SSTR2: variants seen among roughly 807,000 people sequenced by gnomAD.
The protein encoded by SSTR2 is somatostatin receptor type 2.
Under a neutral mutation model 21.4 loss-of-function variants are expected in SSTR2, and 10 were observed. The observed-to-expected ratio is 0.47, with a 90% confidence interval of 0.29 to 0.79. SSTR2 has a LOEUF of 0.79. Among genes scored for constraint, SSTR2 ranks in the 30% least tolerant of loss-of-function variants. The pLI is 0.10. For missense variants in SSTR2, 364 were observed against 468.8 expected (o/e 0.78, Z 2.06); for synonymous variants, 177 against 181.3 (o/e 0.98, Z 0.19).
chr17:73,169,757 C>T lies in SSTR2; in HGVS notation c.438C>T (p.His146=). The part of the protein sequence containing the change: ...MSIDRYLAVV[H]PIKSAKWRRP... ...TCGACCGATACCTGGCTGTGGTCCA[C>T]CCCATCAAGTCGGCCAAGTGGAGGA... The change falls in exon 2 of 2, where the codon CAC becomes CAT. Residue 146 remains histidine (H), a synonymous_variant. Transcript: ENST00000357585. This position sits in a 1 kb window ranked among gnomAD's most constrained non-coding sequence, Gnocchi z 5.2. 1 of 1,614,216 alleles carries T rather than the reference C, an allele frequency of 6.2e-7. No individual in the cohort carries two copies. Among genetic ancestry groups the T allele is most frequent in the Non-Finnish European group, 8.5e-7 (1 of 1,180,048 alleles).
In SSTR2 at chr17:73,173,748, G is replaced by A. The variant is rs1326539551; in HGVS notation, c.*3319G>A. 1.3e-5 allele frequency: 2 copies of A among 152,204 alleles called. No individual in the cohort carries two copies. The highest frequency in any genetic ancestry group is 2.4e-5 in the African/African-American group (1 of 41,450). The allele number at this position is 152,204 out of a possible 1,614,324, so 9.4% of individuals were successfully genotyped here. A position where few individuals can be genotyped will look rare whatever the true frequency, so the allele number is the denominator to read the frequency against. On this transcript the variant is annotated 3_prime_UTR_variant, in exon 2 of 2. Transcript: ENST00000357585. ...GTGGACTCAGTGAAAAAGATATTGG[G>A]AAAAATAATATGATATTGTGGCCTA... is the stretch of plus-strand genomic sequence containing the variant.
rs1352337159 is a variant in SSTR2 at position 73,174,177 on chromosome 17, T to C, written c.*3748T>C. On this transcript the variant is annotated 3_prime_UTR_variant, in exon 2 of 2. Coordinates refer to ENST00000357585, the MANE Select transcript of SSTR2 (RefSeq NM_001050.3). The stretch of plus-strand genomic sequence containing the variant: ...GAAAAAGAAACTTAAGTGGGGTTCA[T>C]ACATAGCATGGCAGAGGGACACTGG... 6.7e-6 allele frequency: 1 copy of C among 149,596 alleles called. No individual in the cohort carries two copies. The highest frequency in any genetic ancestry group is 1.5e-5 in the Non-Finnish European group (1 of 67,570). 9.3% of individuals were successfully genotyped at this position (149,596 alleles called of 1,614,324 possible).
chr17:73,169,423 A>C lies in SSTR2; in HGVS notation c.104A>C (p.Glu35Ala), dbSNP rs1280715965. The change falls in exon 2 of 2, where the codon GAG becomes GCG. Residue 35 changes from glutamate to alanine, a missense_variant. Around this residue, in one of 4 missense-constraint regions of SSTR2, gnomAD observed 75 missense variants for 75.4 expected, o/e 0.99. Transcript: ENST00000357585. The surrounding 1 kb of genome is among the most constrained non-coding windows in gnomAD (Gnocchi z 5.2). ...TCAACCAACACCTCAAACCAGACAG[A>C]GCCGTACTATGACCTGACAAGCAAT... Reference protein sequence around the residue: ...VVSTNTSNQTEPYYDLTSNAV... With the variant: ...VVSTNTSNQTAPYYDLTSNAV... 3.7e-6 allele frequency: 6 copies of C among 1,614,144 alleles called. No individual in the cohort carries two copies. Among genetic ancestry groups the C allele is most frequent in the Non-Finnish European group, 5.1e-6 (6 of 1,180,052 alleles).
At chr17:73,168,402 G>C (rs975314733) in intron 1 of SSTR2, among the ~76,000 whole-genome samples, 5 of 152,184 alleles carry the variant, frequency 3.3e-5, no homozygotes, top group Non-Finnish European at 7.3e-5. Context: ...CTTTGGGAAA[G>C]AGCTCTTGAG....
Position 73,170,445 on chromosome 17 carries a change from G to A in SSTR2, c.*16G>A. On this transcript the variant is annotated 3_prime_UTR_variant, in exon 2 of 2. Transcript: ENST00000357585. ...CAGTATCTGAACTGCTTGGGGGGTG[G>A]GAAAGAACCAAGCCATGCTCTGTCT... The A allele has an allele frequency of 6.2e-7, 1 of 1,606,434 alleles. No individual in the cohort carries two copies. Among genetic ancestry groups the A allele is most frequent in the South Asian group, 1.1e-5 (1 of 90,632 alleles).
chr17:73,167,916 A>C (rs1461077714), intron 1 of SSTR2: 5 of 152,190 alleles, frequency 3.3e-5, no homozygotes, highest in African/African-American at 7.2e-5. Context: ...GGGATGAACT[A>C]TTGTTTTAGA....
chr17:73,165,859 C>A (rs2061214284), intron 1 of SSTR2, among the ~76,000 whole-genome samples: 2 of 151,476 alleles, frequency 1.3e-5, no homozygotes, highest in African/African-American at 2.4e-5. Flanking sequence ...AGAGAAAAAA[C>A]CACTGCATAG....
chr17:73,170,354 G>A lies in SSTR2; in HGVS notation c.1035G>A (p.Gln345=), dbSNP rs767020059. Residue 345 remains glutamine (Q), a synonymous_variant, in exon 2 of 2, where the codon CAG becomes CAA. Transcript: ENST00000357585. ...TDDGERSDSK[Q]DKSRLNETTE... ...ATGGGGAGCGGAGTGACAGTAAGCA[G>A]GACAAATCCCGGCTGAATGAGACCA... The A allele has an allele frequency of 3.7e-6, 6 of 1,613,998 alleles. No homozygotes were observed. Among genetic ancestry groups the A allele is most frequent in the Non-Finnish European group, 5.1e-6 (6 of 1,180,010 alleles).
At position 73,169,528 on chromosome 17, in the gene SSTR2, G is replaced by A. The variant is rs368435945; in HGVS notation, c.209G>A (p.Arg70His). The A allele has an allele frequency of 2.8e-5, 45 of 1,614,098 alleles. No individual in the cohort carries two copies. Among genetic ancestry groups the A allele is most frequent in the Non-Finnish European group, 3.5e-5 (41 of 1,180,050 alleles). Residue 70 changes from arginine to histidine, a missense_variant, in exon 2 of 2, where the codon CGC becomes CAC. Coordinates refer to ENST00000357585, the MANE Select transcript of SSTR2 (RefSeq NM_001050.3). The surrounding 1 kb of genome is among the most constrained non-coding windows in gnomAD (Gnocchi z 5.2). ...GNTLVIYVIL[R>H]YAKMKTITNI... The stretch of plus-strand genomic sequence containing the variant: ...ACACTTGTCATTTATGTCATCCTCC[G>A]CTATGCCAAGATGAAGACCATCACC...
rs572974723 is a variant in SSTR2 at position 73,167,325 on chromosome 17, A to G, written c.-92-1903A>G. Among the ~76,000 whole-genome samples, 7 of 152,346 alleles carry G rather than the reference A, an allele frequency of 4.6e-5. No individual in the cohort carries two copies. In the South Asian group the frequency reaches 1.4e-3, roughly 32 times the overall value. ...CTCACTTCACAGACAGTTGTGTGGT[A>G]GGGAAATGAGCACAGAAGGAACGAG... On this transcript the variant is annotated intron_variant, in intron 1 of 1. Coordinates refer to ENST00000357585, the MANE Select transcript of SSTR2 (RefSeq NM_001050.3).
In SSTR2 at chr17:73,176,611, A is replaced by C. The variant is rs2061249557; in HGVS notation, c.*6182A>C. On this transcript the variant is annotated 3_prime_UTR_variant, in exon 2 of 2. Transcript: ENST00000357585. ...AGCCATGTTAAACTTTGAGTTAATT[A>C]AACCTCTTTCCTTTATAAATTACCC... 1 of 152,228 alleles carries C rather than the reference A, an allele frequency of 6.6e-6. No individual in the cohort carries two copies. Among genetic ancestry groups the C allele is most frequent in the Admixed American group, 6.5e-5 (1 of 15,276 alleles). The allele number at this position is 152,228 out of a possible 1,614,324, so 9.4% of individuals were successfully genotyped here.
Position 73,169,328 on chromosome 17 carries a change from G to A in SSTR2, c.9G>A (p.Met3Ile). The change falls in exon 2 of 2, where the codon ATG becomes ATA. Residue 3 changes from methionine (M) to isoleucine (I), a missense_variant. Physicochemically the swap from Met to Ile is conservative, Grantham distance 10. This residue lies in a region of SSTR2 where 75 missense variants were observed against 75.4 expected (regional missense o/e 0.99). Coordinates refer to ENST00000357585, the MANE Select transcript of SSTR2 (RefSeq NM_001050.3). This position sits in a 1 kb window ranked among gnomAD's most constrained non-coding sequence, Gnocchi z 5.2. ...AAGACTGAAAAGCAGCCATGGACAT[G>A]GCGGATGAGCCACTCAATGGAAGCC... Reference protein sequence around the residue: MDMADEPLNGSHT... With the variant: MDIADEPLNGSHT... 1.2e-6 allele frequency: 2 copies of A among 1,611,964 alleles called. No homozygotes were observed. The highest frequency in any genetic ancestry group is 1.7e-6 in the Non-Finnish European group (2 of 1,179,224).
intron 1 of SSTR2, among the ~76,000 whole-genome samples, chr17:73,166,640 C>G (rs1246209497): frequency 6.6e-6 from 1 of 152,178 alleles, no homozygotes; most frequent in South Asian, 2.1e-4. Context: ...GTCTGCCTGG[C>G]ATTGGAATAT....
rs985887977 is a variant in SSTR2, at chr17:73,165,109, G to T, written c.-272G>T. 2.6e-4 allele frequency: 40 copies of T among 152,322 alleles called. No individual in the cohort carries two copies. The highest frequency in any genetic ancestry group is 9.4e-4 in the African/African-American group (39 of 41,556). 9.4% of individuals were successfully genotyped at this position (152,322 alleles called of 1,614,324 possible). A position where few individuals can be genotyped will look rare whatever the true frequency, so the allele number is the denominator to read the frequency against. ...GGCGCCGGGGGTCTGCGGGCGAGGG[G>T]AGCTCTCTACGTGCGAGGGGCTAGC... is the stretch of plus-strand genomic sequence containing the variant. On this transcript the variant is annotated 5_prime_UTR_variant, in exon 1 of 2. Coordinates refer to ENST00000357585, the MANE Select transcript of SSTR2 (RefSeq NM_001050.3).
chr17:73,165,429 T>C (rs909205513), intron 1 of SSTR2, 141 bp downstream of exon 1: 3 of 152,106 alleles, frequency 2.0e-5, no homozygotes, highest in Admixed American at 1.3e-4. Flanking sequence ...TGAGCTTAGG[T>C]CCCGGTGCGT....
At chr17:73,165,920 C>A (rs1054023351) in intron 1 of SSTR2, among the ~76,000 whole-genome samples, 1 of 149,136 alleles carries the variant, frequency 6.7e-6, no homozygotes, top group Non-Finnish European at 1.5e-5. Context: ...GTCTTCTGCG[C>A]CCCGATGTCT....
Position 73,170,989 on chromosome 17 carries a change from G to A in SSTR2, c.*560G>A, listed in dbSNP as rs549087757. ...GCACGGGCCTTGCCAAGGCCCAGGA[G>A]GGACTTGGGCAGTATGTTCATGTGG... On this transcript the variant is annotated 3_prime_UTR_variant, in exon 2 of 2. Transcript: ENST00000357585. 4 of 309,808 alleles carry A rather than the reference G, an allele frequency of 1.3e-5. No homozygotes were observed. In the East Asian group the frequency reaches 3.3e-4, roughly 25 times the overall value. The allele number at this position is 309,808 out of a possible 1,614,324, so 19.2% of individuals were successfully genotyped here.
rs184751018 is a variant in SSTR2 at position 73,168,966 on chromosome 17, T to C, written c.-92-262T>C. Among the ~76,000 whole-genome samples, 419 of 152,254 alleles carry C rather than the reference T, an allele frequency of 2.8e-3. 3 individuals are homozygous for C. The highest frequency in any genetic ancestry group is 4.3e-3 in the African/African-American group (179 of 41,538). ...TCAGTCAACTTCTTAGGGGTCAAAG[T>C]ATGTGCTTTTTGAAGCCACAGCCCT... is the stretch of plus-strand genomic sequence containing the variant. On this transcript the variant is annotated intron_variant, in intron 1 of 1. Coordinates refer to ENST00000357585, the MANE Select transcript of SSTR2 (RefSeq NM_001050.3).
At position 73,165,276 on chromosome 17, in the gene SSTR2, C is replaced by T. The variant is rs2061211822; in HGVS notation, c.-105C>T. On this transcript the variant is annotated 5_prime_UTR_variant, in exon 1 of 2. Coordinates refer to ENST00000357585, the MANE Select transcript of SSTR2 (RefSeq NM_001050.3). ...GGAGACCGGAGCTAGCGGATTGCAG[C>T]GGAAAAGCAAAGGTGAGGGGTGTGT... 6.7e-6 allele frequency: 1 copy of T among 148,860 alleles called. No homozygotes were observed. Among genetic ancestry groups the T allele is most frequent in the Non-Finnish European group, 1.5e-5 (1 of 67,812 alleles). 9.2% of individuals were successfully genotyped at this position (148,860 alleles called of 1,614,324 possible).
Sources: allele counts gnomAD v4.1 joint callset (sites outside exome capture counted in the v4.1 genomes callset), GRCh38; gene constraint gnomAD v4.1.1; regional missense constraint gnomAD v4.1.1; non-coding constraint Gnocchi (gnomAD v3.1); transcripts MANE v1.5; gene names NCBI Gene and HGNC (gene_info 2026-07-23, HGNC 2026-07-21).